Variants in ENTPD1 observed in about 807,000 individuals in gnomAD.
ENTPD1 encodes ectonucleoside triphosphate diphosphohydrolase 1, also known as ATP diphosphohydrolase.
ENTPD1 carries 33 observed loss-of-function variants against 57.0 expected under a neutral mutation model. The observed-to-expected ratio is 0.58, with a 90% CI of 0.44 to 0.77. The LOEUF is 0.77. Ranked by LOEUF, ENTPD1 falls within the 30% of genes least tolerant of loss-of-function variation. The probability of loss-of-function intolerance (pLI) is 0.00; values close to 1 mark genes in which losing one functional copy is unlikely to be tolerated. For synonymous variants in ENTPD1, 202 were observed against 218.8 expected, an observed-to-expected ratio of 0.92 and a Z score of 0.68; for missense variants, 501 against 603.4, an observed-to-expected ratio of 0.83 and a Z score of 1.78.
At chr10:95,767,330 A>AAG (rs2098093567) in intron 1 of ENTPD1, among the ~76,000 whole-genome samples, 1 of 148,172 alleles carries the variant, frequency 6.7e-6, no homozygotes, top group Non-Finnish European at 1.5e-5. Flanking sequence ...AAAAAAAAAA[A>AAG]AAAGAAAGAA....
intron 1 of ENTPD1, among the ~76,000 whole-genome samples, chr10:95,782,604 G>A (rs1054713635): frequency 2.0e-5 from 3 of 152,110 alleles, no homozygotes; most frequent in African/African-American, 4.8e-5. Context: ...AAAGAGTTAG[G>A]GCAATTTGAG....
At chr10:95,697,866 G>A in the ENTPD1 span, among the ~76,000 whole-genome samples, 1 of 152,192 alleles carries the variant, frequency 6.6e-6, no homozygotes, top group South Asian at 2.1e-4. Context: ...CAAGAAGTGG[G>A]ATTTTGCTGA....
chr10:95,768,483 T>C (rs777693818), intron 1 of ENTPD1, among the ~76,000 whole-genome samples: 4 of 145,450 alleles, frequency 2.8e-5, no homozygotes, highest in Non-Finnish European at 6.0e-5. Context: ...CTTTCTTCTT[T>C]CTTTCTTTTC....
At chr10:95,801,873 A>T (rs560174744) in intron 1 of ENTPD1, among the ~76,000 whole-genome samples, 1 of 152,210 alleles carries the variant, frequency 6.6e-6, no homozygotes, top group Non-Finnish European at 1.5e-5. Context: ...AAGAATCTCA[A>T]TGGTAGTTTA....
chr10:95,752,563 A>G (rs2098013767), upstream of ENTPD1, among the ~76,000 whole-genome samples: 1 of 152,160 alleles, frequency 6.6e-6, no homozygotes, highest in Non-Finnish European at 1.5e-5. Context: ...AGGCTGAGGC[A>G]GGAGAATCAC....
intron 1 of ENTPD1, among the ~76,000 whole-genome samples, chr10:95,812,946 C>A (rs2098313985): frequency 6.6e-6 from 1 of 152,056 alleles, no homozygotes; most frequent in African/African-American, 2.4e-5. Context: ...TATTCATCTT[C>A]TTTGCCATTT....
chr10:95,853,971 C>G (rs1278342040), intron 7 of ENTPD1, among the ~76,000 whole-genome samples: 1 of 152,186 alleles, frequency 6.6e-6, no homozygotes, highest in Non-Finnish European at 1.5e-5. Flanking sequence ...CAGATTCCCT[C>G]TTTTTCTATT....
At chr10:95,754,700 C>T (rs903582932), upstream of ENTPD1, 7 of 152,126 alleles carry the variant, frequency 4.6e-5, no homozygotes, top group South Asian at 2.1e-4. Context: ...TAAACTGACT[C>T]GGGAGAAGAC....
rs944449346 is a variant in ENTPD1 at position 95,868,992 on chromosome 10, G to A, written c.*2609G>A. ...GAAGGTTGGTTTAGAGGCAGATCCA[G>A]CAATCTGCTTTGGGCCACTCTGGGT... On this transcript the variant is annotated 3_prime_UTR_variant, in exon 10 of 10. Transcript: ENST00000371205. 3 of 985,182 alleles carry A rather than the reference G, an allele frequency of 3.0e-6. No homozygotes were observed. The African/African-American group carries it at 5.2e-5, about 17-fold the overall frequency. 61.0% of individuals were successfully genotyped at this position (985,182 alleles called of 1,614,324 possible).
intron 1 of ENTPD1, among the ~76,000 whole-genome samples, chr10:95,764,158 C>T (rs1347569074): frequency 1.3e-5 from 2 of 152,152 alleles, no homozygotes; most frequent in Non-Finnish European, 2.9e-5. Flanking sequence ...CCATTTCCTC[C>T]CTACATGGCC....
intron 1 of ENTPD1, among the ~76,000 whole-genome samples, chr10:95,822,668 A>C (rs2098357846): frequency 6.6e-6 from 1 of 152,228 alleles, no homozygotes; most frequent in African/African-American, 2.4e-5. Flanking sequence ...TAAAGACAAA[A>C]TAAATAAGAT....
At chr10:95,798,772 C>G (rs2098236790) in intron 1 of ENTPD1, among the ~76,000 whole-genome samples, 1 of 152,180 alleles carries the variant, frequency 6.6e-6, no homozygotes, top group Non-Finnish European at 1.5e-5. Context: ...GTATCTCAAG[C>G]TTTTGTTAAG....
intron 1 of ENTPD1, among the ~76,000 whole-genome samples, chr10:95,721,867 T>A (rs1305482099): frequency 6.6e-6 from 1 of 152,178 alleles, no homozygotes; most frequent in African/African-American, 2.4e-5. Context: ...TTCCCGCCTT[T>A]CTTGACCACA....
chr10:95,824,814 A>G (rs1422327293), intron 2 of ENTPD1, among the ~76,000 whole-genome samples: 4 of 152,222 alleles, frequency 2.6e-5, no homozygotes, highest in Non-Finnish European at 1.5e-5. Flanking sequence ...GCATTGTTAT[A>G]TGGGCCTGGC....
intron 1 of ENTPD1, among the ~76,000 whole-genome samples, chr10:95,787,252 A>G (rs558769036): frequency 6.6e-6 from 1 of 152,354 alleles, no homozygotes; most frequent in East Asian, 1.9e-4. Context: ...TGATCAGCGT[A>G]GTATTCCAAG....
upstream of ENTPD1, among the ~76,000 whole-genome samples, chr10:95,710,836 A>G (rs1387568115): frequency 6.6e-6 from 1 of 152,168 alleles, no homozygotes; most frequent in Non-Finnish European, 1.5e-5. Context: ...ATTGCTGACT[A>G]TACATTTGTT....
chr10:95,869,568 A>G lies in ENTPD1; in HGVS notation c.*3185A>G. 1 of 985,366 alleles carries G rather than the reference A, an allele frequency of 1.0e-6. No homozygotes were observed. Among genetic ancestry groups the G allele is most frequent in the South Asian group, 4.7e-5 (1 of 21,284 alleles). The allele number at this position is 985,366 out of a possible 1,614,324, so 61.0% of individuals were successfully genotyped here. A position where few individuals can be genotyped will look rare whatever the true frequency, so the allele number is the denominator to read the frequency against. On this transcript the variant is annotated 3_prime_UTR_variant, in exon 10 of 10. Coordinates refer to ENST00000371205, the MANE Select transcript of ENTPD1 (RefSeq NM_001776.6). ...CCTGGCCAGAAGTGGTTACTTCTGT[A>G]GACAAAAGAATAATGCTACTTAATC...
At chr10:95,786,131 C>T (rs1470719880) in intron 1 of ENTPD1, among the ~76,000 whole-genome samples, 1 of 152,124 alleles carries the variant, frequency 6.6e-6, no homozygotes, top group Non-Finnish European at 1.5e-5. Context: ...ACCCTGCTAC[C>T]CAGTGCTTGG....
upstream of ENTPD1, among the ~76,000 whole-genome samples, chr10:95,751,532 C>T (rs930092542): frequency 2.6e-5 from 4 of 151,820 alleles, no homozygotes; most frequent in African/African-American, 9.7e-5. Context: ...CAGGCTGGAC[C>T]ACATGGCAAA....
Sources: allele counts gnomAD v4.1 joint callset (sites outside exome capture counted in the v4.1 genomes callset), GRCh38; gene constraint gnomAD v4.1.1; transcripts MANE v1.5; gene names NCBI Gene and HGNC (gene_info 2026-07-23, HGNC 2026-07-21).